The following BMPR1B variants were observed in gnomAD, a reference collection of about 807,000 sequenced individuals.
BMPR1B encodes the protein bone morphogenetic protein receptor type 1B.
A neutral mutation model predicts 59.1 loss-of-function variants in BMPR1B; 12 were observed. The observed-to-expected ratio is 0.20, with a 90% CI of 0.13 to 0.33. The LOEUF (loss-of-function observed/expected upper bound fraction) is 0.33, where lower values mean the gene tolerates loss of function less well. BMPR1B is among the 10% of genes least tolerant of loss of function. The pLI is 1.00. For synonymous variants in BMPR1B, 237 were observed against 207.3 expected (o/e 1.14, Z -1.23); for missense variants, 550 against 610.9 (o/e 0.90, Z 1.05).
intron 2 of BMPR1B, among the ~76,000 whole-genome samples, chr4:94,910,432 G>C (rs566715082): frequency 6.6e-6 from 1 of 152,182 alleles, no homozygotes; most frequent in South Asian, 2.1e-4. Context: ...GAAGTAGATT[G>C]AAGTCTCTTG....
At chr4:94,888,926 A>T (rs1253477507) in intron 2 of BMPR1B, among the ~76,000 whole-genome samples, 1 of 149,848 alleles carries the variant, frequency 6.7e-6, no homozygotes. Context: ...CTTACACTGG[A>T]AAAGCAAGAC....
chr4:95,114,668 ACTGACT>A, intron 4 of BMPR1B, 46 bp from the exon 5 acceptor site: 10 of 1,430,928 alleles, frequency 7.0e-6, no homozygotes, highest in South Asian at 1.1e-5. Context: ...ACACACACAC[ACTGACT>A]CACACACACA....
chr4:95,032,250 G>T (rs1378941219), intron 3 of BMPR1B, among the ~76,000 whole-genome samples: 1 of 151,982 alleles, frequency 6.6e-6, no homozygotes, highest in Non-Finnish European at 1.5e-5. Flanking sequence ...CACATGACTG[G>T]GGGAGAGAGA....
chr4:94,953,506 T>A (rs1372803015), intron 2 of BMPR1B, among the ~76,000 whole-genome samples: 1 of 152,222 alleles, frequency 6.6e-6, no homozygotes, highest in Non-Finnish European at 1.5e-5. Flanking sequence ...ATTTTATTTC[T>A]CCTTCACTTA....
chr4:95,035,256 T>G (rs1230571008), intron 3 of BMPR1B, among the ~76,000 whole-genome samples: 1 of 152,230 alleles, frequency 6.6e-6, no homozygotes, highest in African/African-American at 2.4e-5. Context: ...ATTATTTCTT[T>G]TGCTTTGCAG....
intron 2 of BMPR1B, among the ~76,000 whole-genome samples, chr4:94,940,934 G>T (rs1012319258): frequency 6.6e-6 from 1 of 151,724 alleles, no homozygotes; most frequent in African/African-American, 2.4e-5. Flanking sequence ...CGTGGTACTA[G>T]GTACATTATA....
At chr4:95,149,054 CA>C in intron 11 of BMPR1B, 131 bp downstream of exon 11, 1 of 1,180,288 alleles carries the variant, frequency 8.5e-7, no homozygotes, top group Non-Finnish European at 1.2e-6. Context: ...TCTGTTGATG[CA>C]GTCATAGTGC....
chr4:94,799,759 C>T (rs35575650), intron 1 of BMPR1B, among the ~76,000 whole-genome samples: 36,867 of 151,720 alleles, frequency 0.24, 4,773 homozygotes, highest in South Asian at 0.3. Context: ...GGCGCAATTT[C>T]GGCTCACTGC....
intron 1 of BMPR1B, among the ~76,000 whole-genome samples, chr4:94,770,714 CTT>C (rs1166474067): frequency 2.0e-5 from 3 of 151,768 alleles, no homozygotes; most frequent in African/African-American, 7.3e-5. Context: ...TTTTCACTGT[CTT>C]TGTTTCTCCA....
chr4:94,952,719 A>G (rs1729995573), intron 2 of BMPR1B, among the ~76,000 whole-genome samples: 1 of 152,134 alleles, frequency 6.6e-6, no homozygotes, highest in African/African-American at 2.4e-5. Context: ...TGTGGTGCTG[A>G]GAAGGGTGTA....
At chr4:94,887,403 C>CAAAAAAAAAAAAAAAA (rs57818132) in intron 2 of BMPR1B, among the ~76,000 whole-genome samples, 45 of 54,800 alleles carry the variant, frequency 8.2e-4, no homozygotes, top group Non-Finnish European at 1.0e-3. Flanking sequence ...CACCCCCCAC[C>CAAAAAAAAAAAAAAAA]AAAAAAAAAA....
chr4:95,012,715 A>G (rs188037397), intron 3 of BMPR1B, among the ~76,000 whole-genome samples: 1 of 152,196 alleles, frequency 6.6e-6, no homozygotes, highest in African/African-American at 2.4e-5. Flanking sequence ...TGCTAGCAGC[A>G]TTTACAACTT....
At chr4:95,072,200 A>G (rs535267999) in intron 3 of BMPR1B, among the ~76,000 whole-genome samples, 2 of 152,312 alleles carry the variant, frequency 1.3e-5, no homozygotes, top group South Asian at 2.1e-4. Context: ...TTTTTGTTCA[A>G]TTCAGGCTTT....
rs1029024883 is a variant in BMPR1B at position 94,828,897 on chromosome 4, T to C, written c.-182-46934T>C. ...ATAAAGAGCTAATCATTTAAAAATA[T>C]GTATGCTTTTAAAAGAAGGCCCTTC... On this transcript the variant is annotated intron_variant, in intron 1 of 12. Transcript: ENST00000515059. 2.6e-5 allele frequency among the ~76,000 whole-genome samples: 4 copies of C among 152,180 alleles called. No homozygotes were observed. The East Asian group carries it at 7.7e-4, about 29-fold the overall frequency.
At chr4:94,996,481 A>G (rs1483458551) in intron 3 of BMPR1B, 1 of 152,148 alleles carries the variant, frequency 6.6e-6, no homozygotes, top group Non-Finnish European at 1.5e-5. Context: ...AGTGTCAGTT[A>G]AGTTTATCGT....
intron 3 of BMPR1B, among the ~76,000 whole-genome samples, chr4:95,090,845 T>C (rs886494888): frequency 5.3e-5 from 8 of 152,142 alleles, no homozygotes; most frequent in African/African-American, 1.7e-4. Flanking sequence ...TTATATCAAA[T>C]TTTTAATGAA....
intron 1 of BMPR1B, among the ~76,000 whole-genome samples, chr4:94,830,458 G>A (rs944865710): frequency 1.6e-4 from 24 of 151,790 alleles, no homozygotes; most frequent in African/African-American, 5.3e-4. Flanking sequence ...ACTGGTTTTC[G>A]TTAAGTGGCA....
Position 95,124,997 on chromosome 4 carries a change from A to C in BMPR1B, c.461A>C (p.Glu154Ala), listed in dbSNP as rs1560672850. 12 of 1,613,212 alleles carry C rather than the reference A, an allele frequency of 7.4e-6. No individual in the cohort carries two copies. Among genetic ancestry groups the C allele is most frequent in the Non-Finnish European group, 1.0e-5 (12 of 1,179,194 alleles). Residue 154 changes from glutamate to alanine, a missense_variant, in exon 8 of 13, where the codon GAA (glutamate) becomes GCA (alanine). Coordinates refer to ENST00000515059, the MANE Select transcript of BMPR1B (RefSeq NM_001203.3). ...LFCYFRYKRQ[E>A]TRPRYSIGLE... is the part of the protein sequence containing the mutation. ...TCCATCTTTAGGTATAAAAGACAAGAAACCAGACCTCGATACAGCATTGGG... is the reference window on the plus strand; with the variant it reads ...TCCATCTTTAGGTATAAAAGACAAGCAACCAGACCTCGATACAGCATTGGG...
At chr4:94,761,158 T>G (rs1358850866) in intron 1 of BMPR1B, among the ~76,000 whole-genome samples, 1 of 152,220 alleles carries the variant, frequency 6.6e-6, no homozygotes, top group Non-Finnish European at 1.5e-5. Context: ...CTGTAAGTTT[T>G]ACTCTAAACT....
Sources: allele counts gnomAD v4.1 joint callset (sites outside exome capture counted in the v4.1 genomes callset), GRCh38; gene constraint gnomAD v4.1.1; transcripts MANE v1.5; gene names NCBI Gene and HGNC (gene_info 2026-07-23, HGNC 2026-07-21).